ZNF407: variants seen among roughly 807,000 people sequenced by gnomAD.
ZNF407 encodes zinc finger protein 407.
In ZNF407, 17 loss-of-function variants were observed where a neutral mutation model predicts 131.2. That is an observed-to-expected ratio of 0.13 (90% CI 0.09 to 0.19). The LOEUF (loss-of-function observed/expected upper bound fraction) is 0.19. Among genes scored for constraint, ZNF407 ranks in the 10% least tolerant of loss-of-function variants. The pLI, the probability that ZNF407 is intolerant of heterozygous loss-of-function variation, is 1.00. For missense variants in ZNF407, 2,681 were observed against 2,830.6 expected (o/e 0.95, Z 1.20); for synonymous variants, 1,156 against 1,062.0 (o/e 1.09, Z -1.72).
intron 8 of ZNF407, among the ~76,000 whole-genome samples, chr18:75,025,640 T>G (rs1260105396): frequency 6.6e-6 from 1 of 152,180 alleles, no homozygotes; most frequent in Non-Finnish European, 1.5e-5. Flanking sequence ...TTTGTTTGTG[T>G]GTTATAAAAG....
intron 4 of ZNF407, among the ~76,000 whole-genome samples, chr18:74,791,479 G>T (rs1336405570): frequency 2.0e-5 from 3 of 152,166 alleles, no homozygotes; most frequent in African/African-American, 7.2e-5. Flanking sequence ...GAAGAAGGCT[G>T]GTCAAGGTGA....
Position 74,633,542 on chromosome 18 carries a change from A to C in ZNF407, c.2523A>C (p.Arg841Ser), listed in dbSNP as rs372330991. 2.7e-5 allele frequency: 43 copies of C among 1,613,914 alleles called. No homozygotes were observed. Among genetic ancestry groups the C allele is most frequent in the African/African-American group, 4.0e-5 (3 of 74,930 alleles). The stretch of plus-strand genomic sequence containing the variant: ...TAGCTTCAACCACTACTCCAAAGAG[A>C]GGGAGACCTAAAGGTAACATCTCAC... ...DELASTTTPK[R>S]GRPKGNISRT... is the part of the protein sequence containing the mutation. Residue 841 changes from arginine (R) to serine (S), a missense_variant, in exon 2 of 9, where the codon AGA becomes AGC. Transcript: ENST00000299687.
intron 3 of ZNF407, among the ~76,000 whole-genome samples, chr18:74,709,521 C>T (rs1182821447): frequency 6.6e-6 from 1 of 152,146 alleles, no homozygotes; most frequent in Non-Finnish European, 1.5e-5. Flanking sequence ...GGTTAAGCTG[C>T]CACATTAAAG....
At chr18:74,904,815 T>C (rs188804728) in intron 7 of ZNF407, among the ~76,000 whole-genome samples, 28 of 152,260 alleles carry the variant, frequency 1.8e-4, no homozygotes, top group African/African-American at 4.6e-4. Flanking sequence ...TGGGTGAAAA[T>C]CTCATATGAT....
At chr18:74,713,608 G>C (rs1357909920) in intron 3 of ZNF407, among the ~76,000 whole-genome samples, 1 of 151,834 alleles carries the variant, frequency 6.6e-6, no homozygotes, top group African/African-American at 2.4e-5. Flanking sequence ...AACTCTTTTG[G>C]TTTTATTATG....
Position 74,946,996 on chromosome 18 carries a change from C to T in ZNF407, c.5428+26304C>T, listed in dbSNP as rs113988818. Among the ~76,000 whole-genome samples the T allele has an allele frequency of 3.7e-3, 567 of 152,148 alleles. 2 individuals carry two copies. Among genetic ancestry groups the T allele is most frequent in the Non-Finnish European group, 6.0e-3 (407 of 67,994 alleles). On this transcript the variant is annotated intron_variant, in intron 8 of 8. Coordinates refer to ENST00000299687, the MANE Select transcript of ZNF407 (RefSeq NM_017757.3). ...TGGAAAAAAGCATTTTTCTTTTGGT[C>T]ATTGAAGTGAGGGTTTCTAGTCTGT...
intron 8 of ZNF407, among the ~76,000 whole-genome samples, chr18:74,998,899 G>A (rs575591230): frequency 1.2e-3 from 24 of 20,750 alleles, no homozygotes; most frequent in Non-Finnish European, 2.1e-3. Flanking sequence ...ACATGCACAC[G>A]TATGTTTATT....
Position 74,632,559 on chromosome 18 carries a change from C to T in ZNF407, c.1540C>T (p.His514Tyr). ...GSARPPDSGL[H>Y]SLTVKPASGS... The stretch of plus-strand genomic sequence containing the variant: ...TGCCCGTCCTCCGGACTCCGGGCTG[C>T]ATTCCCTGACAGTGAAGCCAGCTTC... The change falls in exon 2 of 9, where the codon CAT becomes TAT. Residue 514 changes from histidine (H) to tyrosine (Y), a missense_variant. Transcript: ENST00000299687. The T allele has an allele frequency of 6.2e-7, 1 of 1,614,052 alleles. No individual in the cohort carries two copies. The highest frequency in any genetic ancestry group is 8.5e-7 in the Non-Finnish European group (1 of 1,179,912).
chr18:74,680,869 G>A (rs1966966988), intron 3 of ZNF407, among the ~76,000 whole-genome samples: 1 of 152,064 alleles, frequency 6.6e-6, no homozygotes, highest in Admixed American at 6.6e-5. Context: ...TAGAAACGTG[G>A]GTTTTCAGTG....
chr18:74,741,406 G>A (rs574845), intron 3 of ZNF407, among the ~76,000 whole-genome samples: 133,290 of 152,066 alleles, frequency 0.88, 58,518 homozygotes, highest in Non-Finnish European at 0.9. Flanking sequence ...AAATAATTTG[G>A]ATAATCATAT....
intron 8 of ZNF407, among the ~76,000 whole-genome samples, chr18:74,941,759 T>C (rs564555884): frequency 6.6e-6 from 1 of 152,302 alleles, no homozygotes; most frequent in Non-Finnish European, 1.5e-5. Context: ...CTAGGATACT[T>C]AGCTTTGAGG....
At chr18:74,670,193 T>A (rs530262728) in intron 3 of ZNF407, among the ~76,000 whole-genome samples, 65 of 152,326 alleles carry the variant, frequency 4.3e-4, no homozygotes, top group African/African-American at 1.5e-3. Context: ...CATTAAGATT[T>A]TTTCCAACAC....
chr18:74,774,382 A>G (rs556122228), intron 3 of ZNF407, among the ~76,000 whole-genome samples: 39 of 152,316 alleles, frequency 2.6e-4, no homozygotes, highest in South Asian at 8.3e-4. Context: ...TACTCACACA[A>G]TATCAAAATA....
At chr18:74,980,378 G>A (rs1203994535) in intron 8 of ZNF407, among the ~76,000 whole-genome samples, 1 of 151,800 alleles carries the variant, frequency 6.6e-6, no homozygotes, top group African/African-American at 2.4e-5. Context: ...CGTGACCTCA[G>A]CTCACTACAT....
chr18:74,818,865 T>TAAAA (rs11392274), intron 4 of ZNF407, among the ~76,000 whole-genome samples: 39 of 139,446 alleles, frequency 2.8e-4, no homozygotes, highest in African/African-American at 8.7e-4. Context: ...CATTGAACAG[T>TAAAA]AAAAAAAAAA....
At chr18:74,735,800 G>A (rs1426035004) in intron 3 of ZNF407, among the ~76,000 whole-genome samples, 4 of 152,176 alleles carry the variant, frequency 2.6e-5, no homozygotes, top group Non-Finnish European at 4.4e-5. Context: ...GAAAGTTTGA[G>A]TATATTTATC....
In ZNF407 at chr18:75,012,521, C is replaced by T. The variant is rs180986169; in HGVS notation, c.5429-50629C>T. Among the ~76,000 whole-genome samples, 17 of 152,178 alleles carry T rather than the reference C, an allele frequency of 1.1e-4. No homozygotes were observed. The East Asian group carries it at 1.2e-3, about 10-fold the overall frequency. On this transcript the variant is annotated intron_variant, in intron 8 of 8. Coordinates refer to ENST00000299687, the MANE Select transcript of ZNF407 (RefSeq NM_017757.3). ...TTCCAGTGTTACTACACTTTGCCAA[C>T]GACTCATAGACATGACATCAAATAA...
chr18:74,916,781 AGT>A lies in ZNF407; in HGVS notation c.5250-3711_5250-3710del, dbSNP rs375090606. On this transcript the variant is annotated intron_variant, in intron 7 of 8. Coordinates refer to ENST00000299687, the MANE Select transcript of ZNF407 (RefSeq NM_017757.3). The stretch of plus-strand genomic sequence containing the variant: ...GTATGCAGCATTGGTTCGAATCGGG[AGT>A]GTGTGTGTGTGTGTGTGTGTGCATG... Among the ~76,000 whole-genome samples, 570 of 87,884 alleles carry A rather than the reference AGT, an allele frequency of 6.5e-3. 3 individuals are homozygous for A. Among genetic ancestry groups the A allele is most frequent in the East Asian group, 0.02 (65 of 3,218 alleles). 57.7% of individuals were successfully genotyped at this position (87,884 alleles called of 152,430 possible). A position where few individuals can be genotyped will look rare whatever the true frequency, so the allele number is the denominator to read the frequency against.
intron 2 of ZNF407, among the ~76,000 whole-genome samples, chr18:74,638,457 C>T (rs1984561452): frequency 6.6e-6 from 1 of 152,174 alleles, no homozygotes; most frequent in Non-Finnish European, 1.5e-5. Context: ...GGGTAATATA[C>T]AACTTCCTTC....
Sources: gnomAD v4.1 joint callset for allele counts (sites outside exome capture counted in the v4.1 genomes callset) on GRCh38, gnomAD v4.1.1 for gene constraint, MANE v1.5 for transcripts, NCBI Gene and HGNC (gene_info 2026-07-23, HGNC 2026-07-21) for gene names.